The following NOLC1 variants were observed in gnomAD, a reference collection of about 807,000 sequenced individuals.
NOLC1 encodes nucleolar and coiled-body phosphoprotein 1.
A neutral mutation model predicts 73.4 loss-of-function variants in NOLC1; 37 were observed. The ratio of observed to expected loss-of-function variants is 0.50; its 90% CI spans 0.39 to 0.66. The LOEUF is 0.66. Among genes scored for constraint, NOLC1 ranks in the 30% least tolerant of loss-of-function variants. The pLI, the probability that NOLC1 is intolerant of heterozygous loss-of-function variation, is 0.00. For synonymous variants in NOLC1, 327 were observed against 302.6 expected (o/e 1.08, Z -0.84); for missense variants, 921 against 838.9 (o/e 1.10, Z -1.21).
At position 102,160,778 on chromosome 10, in the gene NOLC1, T is replaced by A; in HGVS notation, c.1426T>A (p.Ser476Thr). The part of the protein sequence containing the change: ...SRDSSSDSDS[S>T]SSEEEEEKTS... ...GGACAGCAGCTCTGATTCAGACAGC[T>A]CCAGCAGTGAGGAGGAGGAAGAGAA... The change falls in exon 10 of 13, where the codon TCC becomes ACC. Residue 476 changes from serine to threonine, a missense_variant. Coordinates refer to ENST00000605788, the MANE Select transcript of NOLC1 (RefSeq NM_004741.5). 2 of 1,614,096 alleles carry A rather than the reference T, an allele frequency of 1.2e-6. No homozygotes were observed. Among genetic ancestry groups the A allele is most frequent in the Non-Finnish European group, 1.7e-6 (2 of 1,180,032 alleles).
intron 1 of NOLC1, among the ~76,000 whole-genome samples, chr10:102,153,633 A>G (rs984723637): frequency 6.6e-6 from 1 of 150,926 alleles, no homozygotes; most frequent in African/African-American, 2.4e-5. Context: ...GTGCTTTCAC[A>G]GTGGACTGGA....
At chr10:102,162,062 G>A (rs1324964188) in intron 12 of NOLC1, 49 bp from the exon 13 acceptor site, 3 of 1,606,210 alleles carry the variant, frequency 1.9e-6, no homozygotes, top group East Asian at 4.5e-5. Context: ...AAAGTGACAG[G>A]GCTCCAGCAT....
Position 102,163,739 on chromosome 10 carries a change from A to G in NOLC1, c.*1470A>G, listed in dbSNP as rs1350959120. ...TTCCATACTTGCTAAATAACCTGAT[A>G]ATAACCTGGTTTTCCATGTAACTGC... is the stretch of plus-strand genomic sequence containing the variant. On this transcript the variant is annotated 3_prime_UTR_variant, in exon 13 of 13. Transcript: ENST00000605788. 3.9e-5 allele frequency: 6 copies of G among 152,338 alleles called. No homozygotes were observed. Among genetic ancestry groups the G allele is most frequent in the South Asian group, 2.1e-4 (1 of 4,830 alleles). The allele number at this position is 152,338 out of a possible 1,614,324, so 9.4% of individuals were successfully genotyped here.
chr10:102,158,070 A>G lies in NOLC1; in HGVS notation c.463A>G (p.Lys155Glu), dbSNP rs750786102. 1.2e-6 allele frequency: 2 copies of G among 1,614,002 alleles called. No individual in the cohort carries two copies. The highest frequency in any genetic ancestry group is 1.1e-5 in the South Asian group (1 of 91,052). ...ACAGAAGGGAGTTAAGCCCCAAGCC[A>G]AGGCAGCCAAAGCTCCTCCTAAGAA... ...PVQKGVKPQA[K>E]AAKAPPKKAK... Residue 155 changes from lysine to glutamate, a missense_variant, in exon 5 of 13, where the codon AAG (lysine) becomes GAG (glutamate). Coordinates refer to ENST00000605788, the MANE Select transcript of NOLC1 (RefSeq NM_004741.5).
chr10:102,161,692 C>T, intron 11 of NOLC1, 30 bp downstream of exon 11: 1 of 1,590,112 alleles, frequency 6.3e-7, no homozygotes, highest in African/African-American at 1.3e-5. Flanking sequence ...TCTCAGGAGC[C>T]AGCTCTTTAA....
At chr10:102,159,751 G>A in intron 7 of NOLC1, 145 bp from the exon 8 acceptor site, 2 of 1,039,580 alleles carry the variant, frequency 1.9e-6, no homozygotes, top group Non-Finnish European at 2.8e-6. Flanking sequence ...AGACTCAGAG[G>A]TGACACCATG....
In NOLC1 at chr10:102,160,455, C is replaced by CT. The variant is rs773868060; in HGVS notation, c.1104dup (p.Asp369Ter). The stretch of plus-strand genomic sequence containing the variant: ...ATTCCATCCCTTCTGTGTCTAGACT[C>CT]TGACAGCTCTGAGGATGATGAAGCT... On this transcript the variant is annotated frameshift_variant, in exon 10 of 13. Coordinates refer to ENST00000605788, the MANE Select transcript of NOLC1 (RefSeq NM_004741.5). LOFTEE classifies it high-confidence loss of function. The CT allele has an allele frequency of 3.7e-6, 6 of 1,613,084 alleles. No individual in the cohort carries two copies. The African/African-American group carries it at 6.7e-5, about 18-fold the overall frequency.
At chr10:102,156,173 T>C (rs2069591203) in intron 1 of NOLC1, among the ~76,000 whole-genome samples, 1 of 152,250 alleles carries the variant, frequency 6.6e-6, no homozygotes, top group Non-Finnish European at 1.5e-5. Flanking sequence ...GGTATTATAA[T>C]CCACATTGCA....
rs1249151684 is a variant in NOLC1 at position 102,152,410 on chromosome 10, G to C, written c.-1G>C. The C allele has an allele frequency of 6.2e-7, 1 of 1,609,540 alleles. No homozygotes were observed. Among genetic ancestry groups the C allele is most frequent in the Non-Finnish European group, 8.5e-7 (1 of 1,180,032 alleles). On this transcript the variant is annotated 5_prime_UTR_variant, in exon 1 of 13. Coordinates refer to ENST00000605788, the MANE Select transcript of NOLC1 (RefSeq NM_004741.5). ...CGGTAGTGACGCGTATTGCCTGGAG[G>C]ATGGCGGACGCCGGCATTCGCCGCG...
intron 1 of NOLC1, among the ~76,000 whole-genome samples, chr10:102,155,357 C>G (rs1201867087): frequency 6.7e-6 from 1 of 148,516 alleles, no homozygotes; most frequent in Non-Finnish European, 1.5e-5. Context: ...CCAACCTGGG[C>G]GACCAAGAGC....
intron 1 of NOLC1, among the ~76,000 whole-genome samples, chr10:102,156,126 C>T (rs1422143397): frequency 6.6e-6 from 1 of 152,226 alleles, no homozygotes; most frequent in Non-Finnish European, 1.5e-5. Flanking sequence ...AGGCGTGAGC[C>T]ACTGCATCCC....
chr10:102,162,104 T>G lies in NOLC1; in HGVS notation c.1942-7T>G. On this transcript the variant is annotated splice_region_variant and splice_polypyrimidine_tract_variant and intron_variant, in intron 12 of 12. Transcript: ENST00000605788. ...CCTCTGTGTTAATCTCCCTCTCTACTTACCAGCGAGGTGCAGCCGGAGACT... is the reference window on the plus strand; with the variant it reads ...CCTCTGTGTTAATCTCCCTCTCTACGTACCAGCGAGGTGCAGCCGGAGACT... 6.2e-7 allele frequency: 1 copy of G among 1,613,436 alleles called. No individual in the cohort carries two copies. The highest frequency in any genetic ancestry group is 8.5e-7 in the Non-Finnish European group (1 of 1,179,906).
In NOLC1 at chr10:102,163,779, T is replaced by C. The variant is rs1309091926; in HGVS notation, c.*1510T>C. ...CATGTAACTGCCTCTAGGAAGAAAA[T>C]GTACTGTTCATGCTGACACAGATAT... On this transcript the variant is annotated 3_prime_UTR_variant, in exon 13 of 13. Transcript: ENST00000605788. 6.6e-6 allele frequency: 1 copy of C among 152,310 alleles called. No homozygotes were observed. The highest frequency in any genetic ancestry group is 2.4e-5 in the African/African-American group (1 of 41,566). The allele number at this position is 152,310 out of a possible 1,614,324, so 9.4% of individuals were successfully genotyped here. A position where few individuals can be genotyped will look rare whatever the true frequency, so the allele number is the denominator to read the frequency against.
In NOLC1 at chr10:102,160,918, T is replaced by A. The variant is rs1012267448; in HGVS notation, c.1566T>A (p.Ser522=). The change falls in exon 10 of 13, where the codon TCT becomes TCA. Residue 522 remains serine, a synonymous_variant. Transcript: ENST00000605788. ...GKAESSNSSS[S]DDSSEEEEEK... is the part of the protein sequence containing the mutation. ...CTGAGAGCAGCAACAGTTCTTCTTC[T>A]GATGACTCCAGTGAGGAAGAGGAAG... 1.9e-6 allele frequency: 3 copies of A among 1,614,016 alleles called. No homozygotes were observed. The highest frequency in any genetic ancestry group is 2.5e-6 in the Non-Finnish European group (3 of 1,180,030).
chr10:102,153,672 CTTTTTTTT>C (rs56074108), intron 1 of NOLC1, among the ~76,000 whole-genome samples: 1 of 88,192 alleles, frequency 1.1e-5, no homozygotes, highest in Non-Finnish European at 2.3e-5. Context: ...AATTAGGATT[CTTTTTTTT>C]TTTTTTTTTT....
intron 1 of NOLC1, among the ~76,000 whole-genome samples, chr10:102,154,002 GT>G (rs2069549072): frequency 6.6e-6 from 1 of 151,174 alleles, no homozygotes; most frequent in Non-Finnish European, 1.5e-5. Context: ...ATGGTTTTAT[GT>G]GAGAAAAGCT....
In NOLC1 at chr10:102,160,815, C is replaced by A. The variant is rs1590381030; in HGVS notation, c.1463C>A (p.Ser488Tyr). The A allele has an allele frequency of 6.2e-7, 1 of 1,614,222 alleles. No individual in the cohort carries two copies. The highest frequency in any genetic ancestry group is 1.1e-5 in the South Asian group (1 of 91,092). The change falls in exon 10 of 13, where the codon TCT becomes TAT. Residue 488 changes from serine to tyrosine, a missense_variant. Ser to Tyr is a moderately radical substitution (Grantham distance 144). Transcript: ENST00000605788. The part of the protein sequence containing the change: ...SEEEEEKTSK[S>Y]AVKKKPQKVA... ...GAGGAGGAAGAGAAGACATCTAAGTCTGCAGTTAAGAAGAAGCCACAGAAG... is the reference window on the plus strand; with the variant it reads ...GAGGAGGAAGAGAAGACATCTAAGTATGCAGTTAAGAAGAAGCCACAGAAG...
In NOLC1 at chr10:102,161,605, T is replaced by C. The variant is rs764607321; in HGVS notation, c.1791T>C (p.Thr597=). The C allele has an allele frequency of 1.2e-6, 2 of 1,613,920 alleles. No individual in the cohort carries two copies. The highest frequency in any genetic ancestry group is 1.1e-5 in the South Asian group (1 of 91,084). ...ATGAGGCTGCCAAGGAGGCAGAGAC[T>C]CCTCAGGCCAAGAAGATAAAGCTTC... ...KQNEAAKEAE[T]PQAKKIKLQT... Residue 597 remains threonine, a synonymous_variant, in exon 11 of 13, where the codon ACT becomes ACC. Coordinates refer to ENST00000605788, the MANE Select transcript of NOLC1 (RefSeq NM_004741.5).
Position 102,160,645 on chromosome 10 carries a change from C to T in NOLC1, c.1293C>T (p.Ser431=), listed in dbSNP as rs772226157. ...ADSSSSEEES[S]SSEEEKTKKM... ...GCAGCTCCAGTGAGGAAGAGAGCAGCTCCAGTGAGGAGGAGAAGACAAAGA... is the reference window on the plus strand; with the variant it reads ...GCAGCTCCAGTGAGGAAGAGAGCAGTTCCAGTGAGGAGGAGAAGACAAAGA... Residue 431 remains serine (S), a synonymous_variant, in exon 10 of 13, where the codon AGC becomes AGT. Transcript: ENST00000605788. 1 of 1,614,050 alleles carries T rather than the reference C, an allele frequency of 6.2e-7. No individual in the cohort carries two copies. The highest frequency in any genetic ancestry group is 1.3e-5 in the African/African-American group (1 of 74,926).
Sources: allele counts gnomAD v4.1 joint callset (sites outside exome capture counted in the v4.1 genomes callset), GRCh38; gene constraint gnomAD v4.1.1; transcripts MANE v1.5; gene names NCBI Gene and HGNC (gene_info 2026-07-23, HGNC 2026-07-21).